Variants in PAK2 observed in about 807,000 individuals in gnomAD.
The protein encoded by PAK2 is p21 (RAC1) activated kinase 2, also known as serine/threonine-protein kinase PAK 2.
A neutral mutation model predicts 65.9 loss-of-function variants in PAK2; 21 were observed. The ratio of observed to expected loss-of-function variants is 0.32; its 90% CI spans 0.23 to 0.46. The LOEUF (loss-of-function observed/expected upper bound fraction) is 0.46, where lower values mean the gene tolerates loss of function less well. Ranked by LOEUF, PAK2 falls within the 20% of genes least tolerant of loss-of-function variation. The probability of loss-of-function intolerance (pLI) is 1.00; values close to 1 mark genes in which losing one functional copy is unlikely to be tolerated. For synonymous variants in PAK2, 204 were observed against 219.7 expected, an observed-to-expected ratio of 0.93 and a Z score of 0.63; for missense variants, 324 against 642.6, an observed-to-expected ratio of 0.50 and a Z score of 5.36.
At chr3:196,784,926 G>C (rs1714835419) in intron 2 of PAK2, 1 of 152,084 alleles carries the variant, frequency 6.6e-6, no homozygotes, top group Non-Finnish European at 1.5e-5. Flanking sequence ...ATTCTAACTG[G>C]TGTGAGATGG....
At chr3:196,817,242 G>A (rs1219926618) in intron 11 of PAK2, among the ~76,000 whole-genome samples, 1 of 136,024 alleles carries the variant, frequency 7.4e-6, no homozygotes, top group African/African-American at 2.8e-5. Flanking sequence ...TCAGCTTACT[G>A]CAATCTCTGC....
chr3:196,809,312 G>T (rs981743456), intron 7 of PAK2, among the ~76,000 whole-genome samples: 1 of 141,920 alleles, frequency 7.0e-6, no homozygotes, highest in Admixed American at 7.4e-5. Context: ...GTGCTTTCAA[G>T]TATAAACCTG....
chr3:196,748,596 C>G (rs186454085), intron 1 of PAK2, among the ~76,000 whole-genome samples: 16 of 152,258 alleles, frequency 1.1e-4, no homozygotes, highest in African/African-American at 3.9e-4. Context: ...GCCTTTTCAA[C>G]TTGGCTTCTT....
intron 1 of PAK2, among the ~76,000 whole-genome samples, chr3:196,756,741 C>T (rs566276773): frequency 1.5e-3 from 232 of 152,242 alleles, no homozygotes; most frequent in African/African-American, 5.0e-3. Flanking sequence ...GAGGCTGAGG[C>T]AGAAGAATCG....
rs1404426105 is a variant in PAK2, at chr3:196,791,792, C to T, written c.187+8959C>T. Among the ~76,000 whole-genome samples, 3 of 152,018 alleles carry T rather than the reference C, an allele frequency of 2.0e-5. No homozygotes were observed. The highest frequency in any genetic ancestry group is 4.8e-5 in the African/African-American group (2 of 41,386). ...ACAAAAAGTTAGCCAGGCGTGGTGG[C>T]GGGCCCCTGTAGTCCCAGCTACTCG... On this transcript the variant is annotated intron_variant, in intron 2 of 14. Coordinates refer to ENST00000327134, the MANE Select transcript of PAK2 (RefSeq NM_002577.4). This position sits in a 1 kb window ranked among gnomAD's most constrained non-coding sequence, Gnocchi z 4.0.
chr3:196,803,609 T>C (rs1715485810), intron 4 of PAK2, among the ~76,000 whole-genome samples: 1 of 152,200 alleles, frequency 6.6e-6, no homozygotes, highest in Non-Finnish European at 1.5e-5. Flanking sequence ...AACTCGCAAG[T>C]GTGCAGATAA....
In PAK2 at chr3:196,817,199, C is replaced by T. The variant is rs1439336392; in HGVS notation, c.1054-858C>T. 2.8e-4 allele frequency among the ~76,000 whole-genome samples: 32 copies of T among 113,994 alleles called. No individual in the cohort carries two copies. The Admixed American group carries it at 4.1e-3, about 15-fold the overall frequency. The allele number at this position is 113,994 out of a possible 152,430, so 74.8% of individuals were successfully genotyped here. The stretch of plus-strand genomic sequence containing the variant: ...TTTTTTTTTGAGACTGAGTCTTGCT[C>T]TGTCGCCCAGGCTGGAGTGCAGTGG... On this transcript the variant is annotated intron_variant, in intron 11 of 14. Transcript: ENST00000327134.
intron 7 of PAK2, among the ~76,000 whole-genome samples, chr3:196,808,988 G>T (rs1055147070): frequency 5.9e-5 from 9 of 151,914 alleles, no homozygotes; most frequent in Non-Finnish European, 1.0e-4. Flanking sequence ...TATAATCTCG[G>T]TACGTTGGCT....
chr3:196,788,122 C>G (rs1445231434), intron 2 of PAK2, among the ~76,000 whole-genome samples: 1 of 152,176 alleles, frequency 6.6e-6, no homozygotes, highest in Admixed American at 6.5e-5. Flanking sequence ...GCTTTTCATT[C>G]TGGAGCATTC....
At chr3:196,762,699 A>G (rs1489373630) in intron 1 of PAK2, among the ~76,000 whole-genome samples, 2 of 147,902 alleles carry the variant, frequency 1.4e-5, no homozygotes, top group African/African-American at 5.0e-5. Flanking sequence ...GGAGAGGGAG[A>G]GAGGAGAACC....
chr3:196,759,508 T>G (rs867513231), intron 1 of PAK2, among the ~76,000 whole-genome samples: 77 of 111,088 alleles, frequency 6.9e-4, no homozygotes, highest in African/African-American at 2.0e-3. Context: ...GTTTTTTTTT[T>G]TTTTTTTTTT....
intron 2 of PAK2, among the ~76,000 whole-genome samples, chr3:196,793,852 C>T (rs1320673540): frequency 2.0e-5 from 3 of 152,284 alleles, no homozygotes; most frequent in East Asian, 3.9e-4. Context: ...ATTCTCCCTG[C>T]TGGAGCGGTG....
At chr3:196,818,253 A>G (rs1348606053) in intron 12 of PAK2, 97 bp downstream of exon 12, 1 of 593,662 alleles carries the variant, frequency 1.7e-6, no homozygotes, top group East Asian at 2.8e-5. Flanking sequence ...ATTAATAATG[A>G]TTTAATATAG....
At chr3:196,811,142 T>G (rs1330561850) in intron 8 of PAK2, among the ~76,000 whole-genome samples, 1 of 151,252 alleles carries the variant, frequency 6.6e-6, no homozygotes, top group East Asian at 2.0e-4. Context: ...GAAAGCATTC[T>G]GTGAATTTAG....
At chr3:196,764,860 T>G (rs1577706032) in intron 1 of PAK2, among the ~76,000 whole-genome samples, 1 of 126,162 alleles carries the variant, frequency 7.9e-6, no homozygotes, top group Non-Finnish European at 1.7e-5. Context: ...TTTTTTTTTT[T>G]GAGACGGAGT....
chr3:196,756,270 C>T (rs1444198756), intron 1 of PAK2, among the ~76,000 whole-genome samples: 1 of 152,178 alleles, frequency 6.6e-6, no homozygotes, highest in Non-Finnish European at 1.5e-5. Context: ...TGCCTTTACA[C>T]TCCCTGTGTC....
At chr3:196,773,520 C>G (rs1459181180) in intron 1 of PAK2, among the ~76,000 whole-genome samples, 1 of 152,042 alleles carries the variant, frequency 6.6e-6, no homozygotes, top group East Asian at 1.9e-4. Flanking sequence ...AAGTATAAAT[C>G]TTTCTAAATA....
At chr3:196,802,130 G>A (rs1715439254) in intron 3 of PAK2, 103 bp downstream of exon 3, 1 of 725,852 alleles carries the variant, frequency 1.4e-6, no homozygotes, top group Non-Finnish European at 2.5e-6. Context: ...CAGGTGCGGT[G>A]GCACACGCCT....
In PAK2 at chr3:196,754,429, A is replaced by C. The variant is rs73072791; in HGVS notation, c.-22+14272A>C. On this transcript the variant is annotated intron_variant, in intron 1 of 14. Transcript: ENST00000327134. ...GAGTTCTGATGAAACCGCTTCTCAG[A>C]TGTATTTCTGAGGGATAAATACACA... 4.2e-3 allele frequency among the ~76,000 whole-genome samples: 640 copies of C among 152,256 alleles called. 5 individuals are homozygous for C. The highest frequency in any genetic ancestry group is 0.015 in the African/African-American group (609 of 41,532).
Sources: allele counts gnomAD v4.1 joint callset (sites outside exome capture counted in the v4.1 genomes callset), GRCh38; gene constraint gnomAD v4.1.1; non-coding constraint Gnocchi (gnomAD v3.1); transcripts MANE v1.5; gene names NCBI Gene and HGNC (gene_info 2026-07-23, HGNC 2026-07-21).